Variants in FTCDNL1 observed in about 807,000 individuals in gnomAD.
FTCDNL1 encodes formiminotransferase N-terminal subdomain-containing protein.
Under a neutral mutation model 5.9 loss-of-function variants are expected in FTCDNL1, and 11 were observed. That is an observed-to-expected ratio of 1.87 (90% CI 1.18 to 3.10). FTCDNL1 has a LOEUF of 3.10. FTCDNL1 is among the 30% of genes most tolerant of loss of function. The pLI, the probability that FTCDNL1 is intolerant of heterozygous loss-of-function variation, is 0.00. For missense variants in FTCDNL1, 115 were observed against 65.5 expected (o/e 1.76, Z -2.61); for synonymous variants, 58 against 24.8 (o/e 2.34, Z -3.99).
intron 3 of FTCDNL1, among the ~76,000 whole-genome samples, chr2:199,843,479 C>T (rs2076646149): frequency 6.6e-6 from 1 of 152,124 alleles, no homozygotes; most frequent in Non-Finnish European, 1.5e-5. Context: ...AAACGTAAAG[C>T]AAGTCTGGAG....
the FTCDNL1 span, among the ~76,000 whole-genome samples, chr2:199,723,460 C>G: frequency 6.6e-6 from 1 of 152,040 alleles, no homozygotes; most frequent in Non-Finnish European, 1.5e-5. Context: ...TTATCTAGTG[C>G]CAGTTCTCAA....
At chr2:199,790,227 G>C (rs1003034089) in intron 3 of FTCDNL1, among the ~76,000 whole-genome samples, 3 of 152,152 alleles carry the variant, frequency 2.0e-5, no homozygotes, top group African/African-American at 7.2e-5. Flanking sequence ...GCTGGGCGCG[G>C]TGACTCATGC....
At chr2:199,719,832 C>T in the FTCDNL1 span, among the ~76,000 whole-genome samples, 1 of 151,562 alleles carries the variant, frequency 6.6e-6, no homozygotes, top group Non-Finnish European at 1.5e-5. Context: ...ATAGGAGGGT[C>T]GCCATCTTGC....
intron 3 of FTCDNL1, among the ~76,000 whole-genome samples, chr2:199,833,875 C>T (rs1204174802): frequency 3.3e-5 from 5 of 152,194 alleles, no homozygotes; most frequent in African/African-American, 1.2e-4. Flanking sequence ...CATTTCCACA[C>T]ACCCTTCTCC....
chr2:199,830,291 G>A (rs904114371), intron 3 of FTCDNL1, among the ~76,000 whole-genome samples: 2 of 152,100 alleles, frequency 1.3e-5, no homozygotes, highest in Non-Finnish European at 2.9e-5. Flanking sequence ...AAAACTGGCC[G>A]ATTAATCTCG....
chr2:199,786,237 C>T (rs751757695), intron 3 of FTCDNL1, among the ~76,000 whole-genome samples: 2 of 151,176 alleles, frequency 1.3e-5, no homozygotes, highest in Non-Finnish European at 1.5e-5. Flanking sequence ...ACAGTCTGGG[C>T]TACCTCCAGC....
chr2:199,782,553 T>A (rs1224888393), intron 3 of FTCDNL1, among the ~76,000 whole-genome samples: 2 of 152,160 alleles, frequency 1.3e-5, no homozygotes, highest in African/African-American at 4.8e-5. Flanking sequence ...AATGTGGGAG[T>A]TCTACTAACT....
chr2:199,832,575 A>G (rs1284724111), intron 3 of FTCDNL1, among the ~76,000 whole-genome samples: 1 of 152,210 alleles, frequency 6.6e-6, no homozygotes, highest in East Asian at 1.9e-4. Flanking sequence ...AAAGCACTTC[A>G]GACATCTCTT....
At chr2:199,814,837 T>C (rs1244620720) in intron 4 of FTCDNL1, among the ~76,000 whole-genome samples, 1 of 152,196 alleles carries the variant, frequency 6.6e-6, no homozygotes, top group Admixed American at 6.5e-5. Flanking sequence ...GTGGAGTAAA[T>C]TGGAGTATTC....
the FTCDNL1 span, among the ~76,000 whole-genome samples, chr2:199,705,704 G>T: frequency 6.6e-6 from 1 of 152,298 alleles, no homozygotes; most frequent in South Asian, 2.1e-4. Context: ...GCTGTAGATT[G>T]TGTGTAGATG....
intron 3 of FTCDNL1, among the ~76,000 whole-genome samples, chr2:199,839,613 G>A (rs181663847): frequency 9.2e-5 from 14 of 152,240 alleles, no homozygotes; most frequent in Admixed American, 3.3e-4. Context: ...CATAAGGGAT[G>A]GAAACAGACC....
intron 3 of FTCDNL1, among the ~76,000 whole-genome samples, chr2:199,800,581 T>C (rs1002476474): frequency 6.6e-6 from 1 of 152,238 alleles, no homozygotes; most frequent in Non-Finnish European, 1.5e-5. Flanking sequence ...CATATACTTA[T>C]TATCTGTATA....
chr2:199,697,266 C>T, the FTCDNL1 span, among the ~76,000 whole-genome samples: 5 of 151,828 alleles, frequency 3.3e-5, no homozygotes, highest in East Asian at 3.9e-4. Flanking sequence ...AGAGGGACTC[C>T]GTCTCAAAAA....
chr2:199,748,471 G>T, the FTCDNL1 span, among the ~76,000 whole-genome samples: 1 of 152,092 alleles, frequency 6.6e-6, no homozygotes, highest in East Asian at 1.9e-4. Flanking sequence ...CTTAGTTAAT[G>T]ATACCAGATG....
At position 199,846,157 on chromosome 2, in the gene FTCDNL1, A is replaced by C; in HGVS notation, c.129T>G (p.Pro43=). 1 of 698,044 alleles carries C rather than the reference A, an allele frequency of 1.4e-6. No individual in the cohort carries two copies. The highest frequency in any genetic ancestry group is 2.6e-6 in the Non-Finnish European group (1 of 383,012). 43.2% of individuals were successfully genotyped at this position (698,044 alleles called of 1,614,324 possible). A position where few individuals can be genotyped will look rare whatever the true frequency, so the allele number is the denominator to read the frequency against. The change falls in exon 3 of 5, where the codon CCT becomes CCG. Residue 43 remains proline, a synonymous_variant. Coordinates refer to ENST00000420128, the MANE Select transcript of FTCDNL1 (RefSeq NM_001363886.2). ...ALLDKNGKKH[P]QVSVLNIFSD... ...AAAATATATTGAGCACTGAAACTTG[A>C]GGATGTTTCTTTCCTGTAAAAAAAA...
chr2:199,758,711 C>T (rs75213349), downstream of FTCDNL1, among the ~76,000 whole-genome samples: 659 of 152,302 alleles, frequency 4.3e-3, 38 homozygotes, highest in East Asian at 0.11. Context: ...CACTAGCATA[C>T]GCATCCCCTG....
Position 199,809,703 on chromosome 2 carries a change from C to A in FTCDNL1, c.*3002G>T, listed in dbSNP as rs1700924584. 6.6e-6 allele frequency among the ~76,000 whole-genome samples: 1 copy of A among 152,136 alleles called. No individual in the cohort carries two copies. The highest frequency in any genetic ancestry group is 2.4e-5 in the African/African-American group (1 of 41,422). Reference sequence around the variant, plus strand: ...AACCTTTAGACTTTCCATCTGAATTCCAAAAGAATAAGTACTTCCTTGAAG... The same window carrying A: ...AACCTTTAGACTTTCCATCTGAATTACAAAAGAATAAGTACTTCCTTGAAG... On this transcript the variant is annotated 3_prime_UTR_variant, in exon 5 of 5. Transcript: ENST00000420128.
intron 3 of FTCDNL1, among the ~76,000 whole-genome samples, chr2:199,836,603 C>T (rs111768685): frequency 0.02 from 2,982 of 152,148 alleles, 102 homozygotes; most frequent in African/African-American, 0.067. Flanking sequence ...CCCCATCCTA[C>T]AAAAAATACA....
the FTCDNL1 span, among the ~76,000 whole-genome samples, chr2:199,684,716 G>C: frequency 6.6e-6 from 1 of 152,226 alleles, no homozygotes; most frequent in Non-Finnish European, 1.5e-5. Flanking sequence ...AGATGGCAGA[G>C]GGGAGTGTGT....
Sources: allele counts gnomAD v4.1 joint callset (sites outside exome capture counted in the v4.1 genomes callset), GRCh38; gene constraint gnomAD v4.1.1; transcripts MANE v1.5; gene names NCBI Gene and HGNC (gene_info 2026-07-23, HGNC 2026-07-21).